The following ZBTB20 variants were observed in gnomAD, a reference collection of about 807,000 sequenced individuals.
The protein encoded by ZBTB20 is zinc finger and BTB domain containing 20, also known as zinc finger and BTB domain-containing protein 20.
A neutral mutation model predicts 56.9 loss-of-function variants in ZBTB20; 9 were observed. The ratio of observed to expected loss-of-function variants is 0.16; its 90% CI spans 0.10 to 0.28. The LOEUF is 0.28. Among genes scored for constraint, ZBTB20 ranks in the 10% least tolerant of loss-of-function variants. The pLI is 1.00. For synonymous variants in ZBTB20, 417 were observed against 420.7 expected, an observed-to-expected ratio of 0.99 and a Z score of 0.11; for missense variants, 655 against 1,003.0, an observed-to-expected ratio of 0.65 and a Z score of 4.69.
rs116001949 is a variant in ZBTB20 at position 114,363,997 on chromosome 3, T to A, written c.200-12119A>T. Among the ~76,000 whole-genome samples the A allele has an allele frequency of 4.2e-3, 642 of 152,288 alleles. 5 individuals carry two copies. The highest frequency in any genetic ancestry group is 0.015 in the African/African-American group (619 of 41,552). ...AGGCCTACTATTGAATACATAACAG[T>A]ACATGGCCTTCAAATGTCATGCCTA... On this transcript the variant is annotated intron_variant, in intron 10 of 11. Transcript: ENST00000675478.
intron 6 of ZBTB20, among the ~76,000 whole-genome samples, chr3:114,586,989 C>CTTTTTTTTTTTT (rs1195918426): frequency 3.9e-5 from 3 of 76,976 alleles, no homozygotes; most frequent in African/African-American, 5.0e-5. Context: ...GTATAACTCC[C>CTTTTTTTTTTTT]TTTTTTTTTT....
chr3:114,359,587 C>T (rs897211690), intron 10 of ZBTB20: 5 of 152,106 alleles, frequency 3.3e-5, no homozygotes, highest in African/African-American at 7.2e-5. Context: ...CTCTCTAAAG[C>T]GCTTTCCTTA....
intron 6 of ZBTB20, among the ~76,000 whole-genome samples, chr3:114,546,151 C>T (rs893325078): frequency 1.3e-5 from 2 of 152,162 alleles, no homozygotes; most frequent in African/African-American, 2.4e-5. Flanking sequence ...CAGTGGAAAG[C>T]GGTGGGTGTA....
At chr3:114,376,779 G>A (rs970228065) in intron 10 of ZBTB20, among the ~76,000 whole-genome samples, 4 of 152,256 alleles carry the variant, frequency 2.6e-5, no homozygotes, top group South Asian at 4.1e-4. Flanking sequence ...TGATGAGGCC[G>A]GTATAAAACA....
intron 6 of ZBTB20, among the ~76,000 whole-genome samples, chr3:114,562,747 C>T (rs1001835019): frequency 6.6e-6 from 1 of 152,024 alleles, no homozygotes; most frequent in South Asian, 2.1e-4. Context: ...TATTAACTGG[C>T]CTTATTTCAA....
At chr3:114,440,391 A>G (rs1023815554) in intron 7 of ZBTB20, among the ~76,000 whole-genome samples, 16 of 152,126 alleles carry the variant, frequency 1.1e-4, no homozygotes, top group Admixed American at 1.0e-3. Context: ...TGATACCACT[A>G]TGGAATTGGG....
chr3:115,019,572 C>G (rs1180002687), intron 2 of ZBTB20, among the ~76,000 whole-genome samples: 2 of 151,224 alleles, frequency 1.3e-5, no homozygotes, highest in Non-Finnish European at 1.5e-5. Flanking sequence ...CATCTAAGTA[C>G]TTTATTCGTT....
intron 8 of ZBTB20, among the ~76,000 whole-genome samples, chr3:114,382,046 A>C (rs1189591095): frequency 3.9e-5 from 6 of 152,214 alleles, no homozygotes; most frequent in African/African-American, 1.4e-4. Context: ...GCTAAAGCCC[A>C]ACTCCTTTAT....
At chr3:114,997,390 G>A (rs1188026800) in intron 2 of ZBTB20, among the ~76,000 whole-genome samples, 19 of 151,710 alleles carry the variant, frequency 1.3e-4, no homozygotes, top group Admixed American at 1.2e-3. Context: ...AAATTTTATG[G>A]TATGTGTAAA....
chr3:114,357,565 G>T (rs892469022), intron 10 of ZBTB20, among the ~76,000 whole-genome samples: 1 of 152,070 alleles, frequency 6.6e-6, no homozygotes, highest in Non-Finnish European at 1.5e-5. Flanking sequence ...TTTTATGTTT[G>T]GGTTTTGGGG....
intron 6 of ZBTB20, among the ~76,000 whole-genome samples, chr3:114,505,242 C>T (rs908661191): frequency 6.6e-6 from 1 of 152,022 alleles, no homozygotes; most frequent in African/African-American, 2.4e-5. Flanking sequence ...ATGGGCTTTT[C>T]TGAACATGAG....
intron 2 of ZBTB20, among the ~76,000 whole-genome samples, chr3:114,996,929 T>C (rs1344482379): frequency 6.6e-6 from 1 of 151,914 alleles, no homozygotes; most frequent in Non-Finnish European, 1.5e-5. Flanking sequence ...AAAACCACAG[T>C]AAGATACCAT....
At chr3:114,723,907 TGC>T in intron 5 of ZBTB20, among the ~76,000 whole-genome samples, 1 of 152,230 alleles carries the variant, frequency 6.6e-6, no homozygotes, top group African/African-American at 2.4e-5. Flanking sequence ...CTCACTCTTT[TGC>T]CCAGGCAGGA....
chr3:114,907,218 G>GAC (rs397804202), intron 3 of ZBTB20, among the ~76,000 whole-genome samples: 1 of 151,268 alleles, frequency 6.6e-6, no homozygotes, highest in Non-Finnish European at 1.5e-5. Context: ...GCAGAATGTA[G>GAC]TTAGGCTAAT....
At chr3:114,625,113 G>C (rs1359154753) in intron 6 of ZBTB20, among the ~76,000 whole-genome samples, 1 of 152,058 alleles carries the variant, frequency 6.6e-6, no homozygotes, top group Non-Finnish European at 1.5e-5. Flanking sequence ...CAGAAAGGCA[G>C]TCTAGATGGC....
intron 3 of ZBTB20, among the ~76,000 whole-genome samples, chr3:114,959,024 T>C (rs1421230888): frequency 6.6e-6 from 1 of 152,144 alleles, no homozygotes; most frequent in East Asian, 1.9e-4. Context: ...AACCAAGTTT[T>C]AAGGTGACCA....
intron 6 of ZBTB20, among the ~76,000 whole-genome samples, chr3:114,618,651 T>C (rs76432109): frequency 0.15 from 22,872 of 152,146 alleles, 1,955 homozygotes; most frequent in Admixed American, 0.25. Flanking sequence ...ACAGTCTGTG[T>C]ACAGTACAGT....
chr3:114,647,378 C>A (rs1243454631), intron 6 of ZBTB20, among the ~76,000 whole-genome samples: 2 of 152,162 alleles, frequency 1.3e-5, no homozygotes, highest in Non-Finnish European at 2.9e-5. Context: ...TCCTTATATT[C>A]TTCCTTTCTT....
intron 10 of ZBTB20, among the ~76,000 whole-genome samples, chr3:114,365,425 G>C (rs1351951378): frequency 6.6e-6 from 1 of 152,214 alleles, no homozygotes; most frequent in East Asian, 1.9e-4. Flanking sequence ...TCTATGCCAA[G>C]CTCTTGTTTC....
Sources: allele counts gnomAD v4.1 joint callset (sites outside exome capture counted in the v4.1 genomes callset), GRCh38; gene constraint gnomAD v4.1.1; transcripts MANE v1.5; gene names NCBI Gene and HGNC (gene_info 2026-07-23, HGNC 2026-07-21).